The following KNTC1 variants were observed in gnomAD, a reference collection of about 807,000 sequenced individuals.
KNTC1 encodes the protein kinetochore associated 1.
KNTC1 carries 253 observed loss-of-function variants against 314.4 expected under a neutral mutation model. That is an observed-to-expected ratio of 0.80 (90% CI 0.73 to 0.89). The LOEUF is 0.89. Ranked by LOEUF, KNTC1 falls within the 40% of genes least tolerant of loss-of-function variation. The pLI, the probability that KNTC1 is intolerant of heterozygous loss-of-function variation, is 0.00. For synonymous variants in KNTC1, 901 were observed against 901.4 expected (o/e 1.00, Z 0.01); for missense variants, 2,475 against 2,572.9 (o/e 0.96, Z 0.82).
chr12:122,544,081 G>T, intron 7 of KNTC1, 78 bp from the exon 8 acceptor site: 3 of 593,690 alleles, frequency 5.1e-6, no homozygotes, highest in Non-Finnish European at 8.6e-6. Flanking sequence ...ATAACTGATT[G>T]ATATCAACTG....
intron 30 of KNTC1, among the ~76,000 whole-genome samples, 169 bp downstream of exon 30, chr12:122,577,198 C>T (rs1027411133): frequency 6.6e-6 from 1 of 152,126 alleles, no homozygotes; most frequent in African/African-American, 2.4e-5. Context: ...AATCCACCTG[C>T]CTTAGCCTCC....
At chr12:122,554,074 AAAATAT>A (rs1420745469) in intron 16 of KNTC1, among the ~76,000 whole-genome samples, 1,203 of 70,668 alleles carry the variant, frequency 0.017, 20 homozygotes, top group African/African-American at 0.06. Context: ...TAAAAAAAAA[AAAATAT>A]ATATATATAT....
chr12:122,565,241 TTTTTTTTTTTTAAAAAAAAAAAAA>T (rs1464970716), intron 20 of KNTC1, among the ~76,000 whole-genome samples: 3 of 84,706 alleles, frequency 3.5e-5, no homozygotes, highest in Admixed American at 3.3e-4. Context: ...TCTTGAGTTG[TTTTTTTTTTTTAAAAAAAAAAAAA>T]CAGAGCTATT....
chr12:122,601,581 A>C lies in KNTC1; in HGVS notation c.4609A>C (p.Ile1537Leu), dbSNP rs1051571885. The change falls in exon 45 of 64, where the codon ATA (isoleucine) becomes CTA (leucine). Residue 1537 changes from isoleucine (I) to leucine (L), a missense_variant. Coordinates refer to ENST00000333479, the MANE Select transcript of KNTC1 (RefSeq NM_014708.6). ...YEMIEVVLKV[I>L]ERADEKITNI... Reference sequence around the variant, plus strand: ...AATGATTGAAGTTGTCTTGAAAGTTATAGAACGAGCTGATGAAAAGATAAC... The same window carrying C: ...AATGATTGAAGTTGTCTTGAAAGTTCTAGAACGAGCTGATGAAAAGATAAC... The C allele has an allele frequency of 2.6e-5, 40 of 1,538,354 alleles. No individual in the cohort carries two copies. The highest frequency in any genetic ancestry group is 3.4e-5 in the Non-Finnish European group (39 of 1,142,378).
Position 122,573,007 on chromosome 12 carries a change from C to A in KNTC1, c.2090C>A (p.Thr697Lys). Residue 697 changes from threonine to lysine, a missense_variant, in exon 25 of 64, where the codon ACG becomes AAG. Coordinates refer to ENST00000333479, the MANE Select transcript of KNTC1 (RefSeq NM_014708.6). ...TLVNNLRELI[T>K]LHRKYNCKLA... Reference sequence around the variant, plus strand: ...GTAAATAACTTGCGAGAGTTGATCACGTTGCATAGGAAGTACAACTGCAAA... The same window carrying A: ...GTAAATAACTTGCGAGAGTTGATCAAGTTGCATAGGAAGTACAACTGCAAA... The A allele has an allele frequency of 6.2e-7, 1 of 1,610,070 alleles. No individual in the cohort carries two copies. Among genetic ancestry groups the A allele is most frequent in the Non-Finnish European group, 8.5e-7 (1 of 1,177,610 alleles).
At chr12:122,606,479 A>G (rs892523382) in intron 51 of KNTC1, among the ~76,000 whole-genome samples, 4 of 151,912 alleles carry the variant, frequency 2.6e-5, no homozygotes, top group Non-Finnish European at 4.4e-5. Flanking sequence ...TGGCCTCCCA[A>G]AGTGTTGGGA....
intron 51 of KNTC1, among the ~76,000 whole-genome samples, chr12:122,608,932 A>G (rs1201492557): frequency 6.6e-6 from 1 of 151,794 alleles, no homozygotes; most frequent in African/African-American, 2.4e-5. Flanking sequence ...CATGGTGTGC[A>G]CCTGTGGTCC....
At chr12:122,563,396 G>A (rs1279608634) in intron 20 of KNTC1, among the ~76,000 whole-genome samples, 1 of 152,068 alleles carries the variant, frequency 6.6e-6, no homozygotes, top group Non-Finnish European at 1.5e-5. Context: ...TGGTTCTGTA[G>A]CTGACATTAC....
Position 122,568,253 on chromosome 12 carries a change from C to G in KNTC1, c.1605-8C>G. 3.0e-6 allele frequency: 4 copies of G among 1,318,946 alleles called. No homozygotes were observed. The highest frequency in any genetic ancestry group is 4.3e-6 in the Non-Finnish European group (4 of 926,926). 81.7% of individuals were successfully genotyped at this position (1,318,946 alleles called of 1,614,324 possible). ...AAACTGACTTTTTTCCCTTCTTTGTCTATTCAGTGGCAGTTCTTGGATTGA... is the reference window on the plus strand; with the variant it reads ...AAACTGACTTTTTTCCCTTCTTTGTGTATTCAGTGGCAGTTCTTGGATTGA... On this transcript the variant is annotated splice_region_variant and splice_polypyrimidine_tract_variant and intron_variant, in intron 20 of 63. Coordinates refer to ENST00000333479, the MANE Select transcript of KNTC1 (RefSeq NM_014708.6).
At chr12:122,550,237 C>G (rs1023306749) in intron 13 of KNTC1, among the ~76,000 whole-genome samples, 16 of 151,676 alleles carry the variant, frequency 1.1e-4, no homozygotes, top group African/African-American at 3.9e-4. Flanking sequence ...TCTTTTTACA[C>G]ACACACTGTA....
intron 44 of KNTC1, among the ~76,000 whole-genome samples, chr12:122,598,724 C>T (rs554431566): frequency 2.8e-4 from 42 of 152,064 alleles, no homozygotes; most frequent in Middle Eastern, 3.4e-3. Flanking sequence ...CCCAGTGAAC[C>T]GTCATTTTTG....
intron 24 of KNTC1, among the ~76,000 whole-genome samples, chr12:122,571,827 G>A (rs1202238155): frequency 2.0e-5 from 3 of 151,704 alleles, no homozygotes; most frequent in Non-Finnish European, 4.4e-5. Flanking sequence ...CCCCCACCAC[G>A]CCTGGCTAAT....
Position 122,584,284 on chromosome 12 carries a change from G to GT in KNTC1, c.3273dup (p.Lys1092Ter), listed in dbSNP as rs1868904175. ...TACTTTCTTTCTTCCAAAGCGACTT[G>GT]TTTAAGTATCACTGCAATGCTGACA... On this transcript the variant is annotated frameshift_variant, in exon 35 of 64. Coordinates refer to ENST00000333479, the MANE Select transcript of KNTC1 (RefSeq NM_014708.6). LOFTEE classifies it high-confidence loss of function. 6.2e-7 allele frequency: 1 copy of GT among 1,608,994 alleles called. No individual in the cohort carries two copies. The highest frequency in any genetic ancestry group is 8.5e-7 in the Non-Finnish European group (1 of 1,176,884).
At chr12:122,620,407 G>T in intron 59 of KNTC1, 72 bp from the exon 60 acceptor site, 1 of 1,425,288 alleles carries the variant, frequency 7.0e-7, no homozygotes, top group African/African-American at 1.4e-5. Flanking sequence ...AGATGACTAT[G>T]GAAAGCTAGA....
At chr12:122,598,520 A>G (rs1871375594) in intron 44 of KNTC1, among the ~76,000 whole-genome samples, 1 of 146,342 alleles carries the variant, frequency 6.8e-6, no homozygotes, top group African/African-American at 2.5e-5. Flanking sequence ...TCCTGGGCTC[A>G]AGTGATACTC....
chr12:122,545,009 C>T (rs772780087), intron 8 of KNTC1, among the ~76,000 whole-genome samples: 7 of 152,070 alleles, frequency 4.6e-5, no homozygotes, highest in Admixed American at 6.6e-5. Flanking sequence ...CAAGGATGCA[C>T]GTAGAAAAGC....
At chr12:122,601,681 TAAATC>T (rs1871933321) in intron 45 of KNTC1, 56 bp downstream of exon 45, 3 of 1,398,954 alleles carry the variant, frequency 2.1e-6, no homozygotes, top group Non-Finnish European at 1.9e-6. Context: ...ATTTGGATCA[TAAATC>T]ATATCATTAT....
intron 37 of KNTC1, 37 bp from the exon 38 acceptor site, chr12:122,586,664 T>C: frequency 9.1e-7 from 1 of 1,102,430 alleles, no homozygotes; most frequent in African/African-American, 1.6e-5. Flanking sequence ...TGTGGCCATC[T>C]ATTTAGTGTT....
At chr12:122,603,726 T>TCCAG in intron 48 of KNTC1, among the ~76,000 whole-genome samples, 2 of 152,032 alleles carry the variant, frequency 1.3e-5, no homozygotes, top group Non-Finnish European at 1.5e-5. Flanking sequence ...CTCTTGACCT[T>TCCAG]GTGATCCGCC....
Sources: gnomAD v4.1 joint callset for allele counts (sites outside exome capture counted in the v4.1 genomes callset) on GRCh38, gnomAD v4.1.1 for gene constraint, MANE v1.5 for transcripts, NCBI Gene and HGNC (gene_info 2026-07-23, HGNC 2026-07-21) for gene names.